Variants in GPATCH2L observed in about 807,000 individuals in gnomAD.
The protein encoded by GPATCH2L is G-patch domain containing 2 like.
GPATCH2L carries 31 observed loss-of-function variants against 57.4 expected under a neutral mutation model. That is an observed-to-expected ratio of 0.54 (90% CI 0.41 to 0.73). The LOEUF is 0.73. Ranked by LOEUF, GPATCH2L falls within the 30% of genes least tolerant of loss-of-function variation. GPATCH2L has a pLI of 0.00. For synonymous variants in GPATCH2L, 199 were observed against 210.7 expected, an observed-to-expected ratio of 0.94 and a Z score of 0.48; for missense variants, 481 against 599.9, an observed-to-expected ratio of 0.80 and a Z score of 2.07.
intron 5 of GPATCH2L, chr14:76,175,527 TTTAAG>T (rs2139682900): frequency 6.6e-6 from 1 of 152,296 alleles, no homozygotes; most frequent in East Asian, 1.9e-4. Flanking sequence ...ATTACGGCAC[TTTAAG>T]TTAATAATTT....
intron 7 of GPATCH2L, chr14:76,178,731 G>A (rs2039440613): frequency 6.6e-6 from 1 of 152,654 alleles, no homozygotes; most frequent in South Asian, 2.1e-4. Context: ...ACAGGAGGTA[G>A]AGCTCAGGCG....
intron 1 of GPATCH2L, among the ~76,000 whole-genome samples, chr14:76,227,689 T>C (rs2040541940): frequency 6.6e-6 from 1 of 151,706 alleles, no homozygotes; most frequent in South Asian, 2.1e-4. Flanking sequence ...TATAATCCTA[T>C]ACATTTATGA....
chr14:76,216,073 C>T (rs549096404), downstream of GPATCH2L, among the ~76,000 whole-genome samples: 1 of 152,046 alleles, frequency 6.6e-6, no homozygotes, highest in African/African-American at 2.4e-5. Flanking sequence ...TAAAGCAGGG[C>T]CTGCTCAAGG....
At chr14:76,187,050 T>C (rs2039794573) in intron 8 of GPATCH2L, among the ~76,000 whole-genome samples, 1 of 151,556 alleles carries the variant, frequency 6.6e-6, no homozygotes, top group Non-Finnish European at 1.5e-5. Context: ...TTTCTTCCTA[T>C]CTGCTCCTAG....
chr14:76,207,519 CT>C lies in GPATCH2L; in HGVS notation c.*5669del, dbSNP rs1217493214. 1.4e-5 allele frequency: 2 copies of C among 146,876 alleles called. No homozygotes were observed. Among genetic ancestry groups the C allele is most frequent in the Non-Finnish European group, 3.0e-5 (2 of 67,216 alleles). 9.1% of individuals were successfully genotyped at this position (146,876 alleles called of 1,614,324 possible). On this transcript the variant is annotated 3_prime_UTR_variant, in exon 10 of 10. Coordinates refer to ENST00000261530, the MANE Select transcript of GPATCH2L (RefSeq NM_017926.4). ...TAATGATGAATCATTTAAAGTACGG[CT>C]CATAAAAATGAAAAAAAAAATTGGA...
In GPATCH2L at chr14:76,207,464, A is replaced by G. The variant is rs775466469; in HGVS notation, c.*5613A>G. ...ATTTGTTCATTAGATCTTAGTTTCA[A>G]GGGAAAGTATCATGTATTTTCCAGC... On this transcript the variant is annotated 3_prime_UTR_variant, in exon 10 of 10. Transcript: ENST00000261530. 2 of 152,216 alleles carry G rather than the reference A, an allele frequency of 1.3e-5. No homozygotes were observed. The highest frequency in any genetic ancestry group is 4.8e-5 in the African/African-American group (2 of 41,450). The allele number at this position is 152,216 out of a possible 1,614,324, so 9.4% of individuals were successfully genotyped here.
intron 1 of GPATCH2L, among the ~76,000 whole-genome samples, chr14:76,220,994 G>T (rs2040512102): frequency 6.6e-6 from 1 of 151,594 alleles, no homozygotes; most frequent in African/African-American, 2.4e-5. Context: ...CCAGAGATTG[G>T]TTCTCTGAAA....
intron 3 of GPATCH2L, among the ~76,000 whole-genome samples, chr14:76,171,545 T>C (rs1486557655): frequency 6.6e-6 from 1 of 151,822 alleles, no homozygotes; most frequent in Non-Finnish European, 1.5e-5. Context: ...ATCACGCCAC[T>C]GCACTCCAGC....
At chr14:76,192,633 G>A (rs2040015787) in intron 8 of GPATCH2L, among the ~76,000 whole-genome samples, 1 of 152,156 alleles carries the variant, frequency 6.6e-6, no homozygotes, top group African/African-American at 2.4e-5. Context: ...TCAAGGCAGA[G>A]ATTGTCTCTT....
At chr14:76,217,606 C>T (rs1190599934), downstream of GPATCH2L, among the ~76,000 whole-genome samples, 1 of 148,442 alleles carries the variant, frequency 6.7e-6, no homozygotes, top group Admixed American at 6.7e-5. Flanking sequence ...GAAAAAAAAA[C>T]CTTGCATGCA....
intron 8 of GPATCH2L, among the ~76,000 whole-genome samples, chr14:76,188,051 A>G (rs1359057619): frequency 1.3e-5 from 2 of 152,206 alleles, no homozygotes; most frequent in Admixed American, 1.3e-4. Context: ...ACAGGATCTC[A>G]TTCTTTTTTA....
At chr14:76,223,551 G>T (rs183951021) in intron 1 of GPATCH2L, among the ~76,000 whole-genome samples, 1 of 152,236 alleles carries the variant, frequency 6.6e-6, no homozygotes, top group East Asian at 1.9e-4. Context: ...GACACCACAT[G>T]CACAAGCAAC....
rs2040473886 is a variant in GPATCH2L at position 76,214,338 on chromosome 14, C to G, written c.*12487C>G. On this transcript the variant is annotated 3_prime_UTR_variant, in exon 10 of 10. Transcript: ENST00000261530. Reference sequence around the variant, plus strand: ...TATCCCTAAGTATTTAATTTATTTGCTAGTAAATGAGATTTCCTCTGCCAT... The same window carrying G: ...TATCCCTAAGTATTTAATTTATTTGGTAGTAAATGAGATTTCCTCTGCCAT... The G allele has an allele frequency of 6.6e-6, 1 of 152,120 alleles. No individual in the cohort carries two copies. The highest frequency in any genetic ancestry group is 1.9e-4 in the East Asian group (1 of 5,198). 9.4% of individuals were successfully genotyped at this position (152,120 alleles called of 1,614,324 possible).
At chr14:76,170,231 T>C (rs2039024805) in intron 3 of GPATCH2L, among the ~76,000 whole-genome samples, 1 of 152,256 alleles carries the variant, frequency 6.6e-6, no homozygotes. Context: ...ATGAATCTCA[T>C]ACTTCATGGG....
intron 1 of GPATCH2L, among the ~76,000 whole-genome samples, chr14:76,222,009 T>G (rs990713224): frequency 6.6e-6 from 1 of 152,222 alleles, no homozygotes; most frequent in Non-Finnish European, 1.5e-5. Flanking sequence ...TTTATGATAA[T>G]GTGTTGATTG....
chr14:76,224,219 T>TA (rs1332035420), intron 1 of GPATCH2L, among the ~76,000 whole-genome samples: 1 of 152,190 alleles, frequency 6.6e-6, no homozygotes, highest in Non-Finnish European at 1.5e-5. Context: ...AGTAGATTAG[T>TA]AGCTGCCAAT....
intron 1 of GPATCH2L, among the ~76,000 whole-genome samples, chr14:76,229,145 C>A (rs1020532228): frequency 2.6e-5 from 4 of 152,218 alleles, no homozygotes; most frequent in East Asian, 1.9e-4. Flanking sequence ...ACTTCAATTT[C>A]TTTGAACCCC....
At chr14:76,225,484 A>G (rs1029596083) in intron 1 of GPATCH2L, among the ~76,000 whole-genome samples, 1 of 152,210 alleles carries the variant, frequency 6.6e-6, no homozygotes, top group African/African-American at 2.4e-5. Context: ...TAAAGATGAA[A>G]GTGTAAAAAA....
intron 9 of GPATCH2L, among the ~76,000 whole-genome samples, chr14:76,199,937 T>A (rs1304755268): frequency 6.6e-6 from 1 of 152,206 alleles, no homozygotes; most frequent in South Asian, 2.1e-4. Flanking sequence ...GCTGGATGAA[T>A]GGATGAACAC....
Sources: gnomAD v4.1 joint callset for allele counts (sites outside exome capture counted in the v4.1 genomes callset) on GRCh38, gnomAD v4.1.1 for gene constraint, MANE v1.5 for transcripts, NCBI Gene and HGNC (gene_info 2026-07-23, HGNC 2026-07-21) for gene names.